The following FIRRM variants were observed in gnomAD, a reference collection of about 807,000 sequenced individuals.
FIRRM encodes FIGNL1 interacting regulator of recombination and mitosis, also known as FIGNL1-interacting regulator of recombination and mitosis.
the FIRRM span, chr1:169,793,036 A>T: frequency 3.1e-6 from 5 of 1,614,116 alleles, no homozygotes; most frequent in Non-Finnish European, 4.2e-6. Flanking sequence ...CAATCACCAT[A>T]CTGTTATAAT....
At chr1:169,821,250 C>CT in the FIRRM span, among the ~76,000 whole-genome samples, 42 of 152,120 alleles carry the variant, frequency 2.8e-4, no homozygotes, top group Non-Finnish European at 5.3e-4. Flanking sequence ...TTTGTTTTGT[C>CT]TTTTTTGTGT....
the FIRRM span, among the ~76,000 whole-genome samples, chr1:169,807,490 C>T: frequency 2.6e-5 from 4 of 152,290 alleles, no homozygotes; most frequent in South Asian, 4.1e-4. Flanking sequence ...CCACAAGTTT[C>T]ATGCAGGTAA....
chr1:169,851,751 G>C, the FIRRM span: 1 of 1,560,442 alleles, frequency 6.4e-7, no homozygotes, highest in Admixed American at 1.9e-5. Flanking sequence ...AAATTATGTG[G>C]CCATTTCATA....
the FIRRM span, among the ~76,000 whole-genome samples, chr1:169,841,508 C>T: frequency 7.9e-5 from 12 of 152,198 alleles, no homozygotes; most frequent in Non-Finnish European, 1.8e-4. Flanking sequence ...ATTACATTCT[C>T]ATAAGACCTT....
At chr1:169,850,219 G>A in the FIRRM span, 1 of 1,292,668 alleles carries the variant, frequency 7.7e-7, no homozygotes, top group Non-Finnish European at 1.1e-6. Context: ...GTCTTTGCAA[G>A]TTGTTGAAAT....
the FIRRM span, among the ~76,000 whole-genome samples, chr1:169,833,173 T>A: frequency 6.6e-6 from 1 of 152,230 alleles, no homozygotes; most frequent in Non-Finnish European, 1.5e-5. Context: ...TTTACTTACA[T>A]AAACCTGTAT....
the FIRRM span, among the ~76,000 whole-genome samples, chr1:169,833,846 C>CT: frequency 0.047 from 4,474 of 96,026 alleles, 329 homozygotes; most frequent in African/African-American, 0.17. Flanking sequence ...AGTCACTTTC[C>CT]TTTTTTTTTT....
At chr1:169,798,126 G>T in the FIRRM span, among the ~76,000 whole-genome samples, 1 of 152,090 alleles carries the variant, frequency 6.6e-6, no homozygotes, top group African/African-American at 2.4e-5. Context: ...ATAGAAATCG[G>T]AAGTACAAAC....
At chr1:169,804,350 G>T in the FIRRM span, 1 of 895,940 alleles carries the variant, frequency 1.1e-6, no homozygotes, top group Non-Finnish European at 1.5e-6. Context: ...CATTAAAATT[G>T]ATTTAAATCT....
chr1:169,842,034 C>T, the FIRRM span, among the ~76,000 whole-genome samples: 1 of 151,260 alleles, frequency 6.6e-6, no homozygotes, highest in South Asian at 2.1e-4. Context: ...AAAATTAGCT[C>T]GTGTGGTGGT....
chr1:169,851,616 ATAAC>A, the FIRRM span: 271 of 648,194 alleles, frequency 4.2e-4, no homozygotes, highest in South Asian at 1.0e-3. Context: ...AGACAACTCT[ATAAC>A]TAACTATTTT....
the FIRRM span, chr1:169,851,830 A>T: frequency 6.2e-7 from 1 of 1,613,914 alleles, no homozygotes; most frequent in Non-Finnish European, 8.5e-7. Flanking sequence ...GGGTTTGTAG[A>T]TGAAACTGAA....
chr1:169,836,712 T>G, the FIRRM span, among the ~76,000 whole-genome samples: 1 of 152,234 alleles, frequency 6.6e-6, no homozygotes, highest in African/African-American at 2.4e-5. Flanking sequence ...GTGCTCCACT[T>G]AAGCTGTGTT....
At chr1:169,788,711 G>A in the FIRRM span, among the ~76,000 whole-genome samples, 10 of 152,194 alleles carry the variant, frequency 6.6e-5, no homozygotes, top group Non-Finnish European at 1.2e-4. Flanking sequence ...GTATCCCTGC[G>A]TCAAATCTTT....
At chr1:169,852,324 C>T in the FIRRM span, 8 of 291,278 alleles carry the variant, frequency 2.7e-5, no homozygotes, top group African/African-American at 1.1e-4. Flanking sequence ...CTGAAGATCA[C>T]ATCTACTTAT....
the FIRRM span, among the ~76,000 whole-genome samples, chr1:169,833,712 C>A: frequency 1.3e-5 from 2 of 152,008 alleles, no homozygotes; most frequent in African/African-American, 4.8e-5. Context: ...TTTTCGTAGC[C>A]CCACCTATTA....
At chr1:169,797,763 C>G in the FIRRM span, among the ~76,000 whole-genome samples, 1 of 152,016 alleles carries the variant, frequency 6.6e-6, no homozygotes, top group Admixed American at 6.5e-5. Context: ...AGGCTGGTCT[C>G]GAACTCCTGA....
the FIRRM span, among the ~76,000 whole-genome samples, chr1:169,821,500 T>C: frequency 6.6e-6 from 1 of 152,192 alleles, no homozygotes; most frequent in Admixed American, 6.5e-5. Context: ...TCATTTGTTA[T>C]TTGTATCGCA....
chr1:169,821,764 G>A, the FIRRM span: 8 of 1,569,758 alleles, frequency 5.1e-6, no homozygotes, highest in Non-Finnish European at 7.0e-6. Flanking sequence ...GCTAAGGTAA[G>A]GCTTTATTAT....
Sources: allele counts gnomAD v4.1 joint callset (sites outside exome capture counted in the v4.1 genomes callset), GRCh38; gene constraint gnomAD v4.1.1; transcripts MANE v1.5; gene names NCBI Gene and HGNC (gene_info 2026-07-23, HGNC 2026-07-21).